The following DCLK1 variants were observed in gnomAD, a reference collection of about 807,000 sequenced individuals.
DCLK1 encodes the protein doublecortin like kinase 1.
A neutral mutation model predicts 86.2 loss-of-function variants in DCLK1; 16 were observed. That is an observed-to-expected ratio of 0.19 (90% CI 0.13 to 0.28). DCLK1 has a LOEUF of 0.28. Among genes scored for constraint, DCLK1 ranks in the 10% least tolerant of loss-of-function variants. DCLK1 has a pLI of 1.00. For synonymous variants in DCLK1, 369 were observed against 370.5 expected (o/e 1.00, Z 0.05); for missense variants, 590 against 940.2 (o/e 0.63, Z 4.87).
chr13:35,847,601 A>G, intron 6 of DCLK1: 4 of 938,318 alleles, frequency 4.3e-6, no homozygotes, highest in Non-Finnish European at 5.1e-6. Flanking sequence ...TGACTTGCAC[A>G]CTTCATTGTT....
intron 1 of DCLK1, among the ~76,000 whole-genome samples, chr13:36,130,551 A>G (rs924428285): frequency 5.9e-5 from 9 of 152,120 alleles, no homozygotes; most frequent in African/African-American, 2.2e-4. Flanking sequence ...TGCAGGTACT[A>G]ATTTGAACAT....
In DCLK1 at chr13:35,958,201, C is replaced by T. The variant is rs1480757253; in HGVS notation, c.724-10744G>A. The stretch of plus-strand genomic sequence containing the variant: ...ACTATAACCACCACTACCACCACCA[C>T]CATTATAACCATCACCACCACCACT... On this transcript the variant is annotated intron_variant, in intron 3 of 16. Transcript: ENST00000360631. 3.1e-3 allele frequency among the ~76,000 whole-genome samples: 460 copies of T among 147,846 alleles called. 1 individual carries two copies. The highest frequency in any genetic ancestry group is 8.1e-3 in the African/African-American group (319 of 39,510).
chr13:35,938,352 A>G (rs1171085), intron 4 of DCLK1, among the ~76,000 whole-genome samples: 56,755 of 151,898 alleles, frequency 0.37, 12,617 homozygotes, highest in African/African-American at 0.62. Context: ...GCACTAGGCC[A>G]GGTGCAGTGG....
intron 4 of DCLK1, among the ~76,000 whole-genome samples, chr13:35,932,959 C>T (rs1478632568): frequency 2.0e-5 from 3 of 152,204 alleles, no homozygotes; most frequent in Non-Finnish European, 4.4e-5. Context: ...GTCCCTTCTA[C>T]CTATGAGCCT....
chr13:35,946,851 T>G (rs934377194), intron 4 of DCLK1, among the ~76,000 whole-genome samples: 6 of 152,182 alleles, frequency 3.9e-5, no homozygotes, highest in African/African-American at 1.4e-4. Context: ...CACATTTAGT[T>G]TGTTAATGGA....
intron 3 of DCLK1, among the ~76,000 whole-genome samples, chr13:36,073,128 C>T (rs977209777): frequency 6.6e-6 from 1 of 152,134 alleles, no homozygotes; most frequent in Non-Finnish European, 1.5e-5. Flanking sequence ...TCATTTTAAT[C>T]GTATAATTCA....
intron 6 of DCLK1, chr13:35,846,809 A>T: frequency 1.0e-6 from 1 of 985,228 alleles, no homozygotes; most frequent in Non-Finnish European, 1.2e-6. Context: ...TCATTCGATT[A>T]ACATTTTCAA....
chr13:35,906,543 T>A (rs1005114433), intron 4 of DCLK1, among the ~76,000 whole-genome samples: 2 of 152,066 alleles, frequency 1.3e-5, no homozygotes, highest in Non-Finnish European at 2.9e-5. Context: ...GCAACAGAGA[T>A]GAAAGGAGGG....
chr13:35,825,399 TTCTAGGGTA>T (rs2087496334), intron 10 of DCLK1, among the ~76,000 whole-genome samples: 1 of 152,096 alleles, frequency 6.6e-6, no homozygotes, highest in Non-Finnish European at 1.5e-5. Context: ...TCTATGGCCT[TTCTAGGGTA>T]TCTTGGTGAT....
chr13:35,958,199 C>CATCACTATA (rs1878207367), intron 3 of DCLK1, among the ~76,000 whole-genome samples: 1 of 148,720 alleles, frequency 6.7e-6, no homozygotes, highest in African/African-American at 2.5e-5. Context: ...CTACCACCAC[C>CATCACTATA]ACCATTATAA....
chr13:35,887,837 C>A (rs1345050149), intron 4 of DCLK1, among the ~76,000 whole-genome samples: 3 of 120,302 alleles, frequency 2.5e-5, no homozygotes, highest in African/African-American at 9.5e-5. Context: ...ATCTCTTGTG[C>A]CCAGGAATTC....
At chr13:36,001,805 G>T (rs1452569532) in intron 3 of DCLK1, among the ~76,000 whole-genome samples, 2 of 151,998 alleles carry the variant, frequency 1.3e-5, no homozygotes, top group Non-Finnish European at 2.9e-5. Flanking sequence ...TGAAAGATCA[G>T]AACCCACGGC....
Position 35,774,129 on chromosome 13 carries a change from A to C in DCLK1, c.*406T>G, listed in dbSNP as rs1310024988. On this transcript the variant is annotated 3_prime_UTR_variant, in exon 17 of 17. Coordinates refer to ENST00000360631, the MANE Select transcript of DCLK1 (RefSeq NM_001330071.2). ...ACAACACCCCTTGATCTGCAGTAAA[A>C]TCAAGAAACATGTGTGTATACATCC... 6.3e-6 allele frequency: 1 copy of C among 158,966 alleles called. No homozygotes were observed. The highest frequency in any genetic ancestry group is 1.4e-5 in the Non-Finnish European group (1 of 71,952). The allele number at this position is 158,966 out of a possible 1,614,324, so 9.8% of individuals were successfully genotyped here.
chr13:35,956,379 AG>A (rs542200601), intron 3 of DCLK1, among the ~76,000 whole-genome samples: 26 of 152,308 alleles, frequency 1.7e-4, no homozygotes, highest in Admixed American at 1.2e-3. Flanking sequence ...TCATGCAAGT[AG>A]GTAGTTAACA....
At chr13:35,798,839 G>C (rs537113223) in intron 15 of DCLK1, among the ~76,000 whole-genome samples, 48 of 152,326 alleles carry the variant, frequency 3.2e-4, no homozygotes, top group African/African-American at 1.1e-3. Flanking sequence ...GTGTGTGTGG[G>C]TAGGGCTGAG....
At chr13:35,837,902 C>T (rs9601444) in intron 7 of DCLK1, among the ~76,000 whole-genome samples, 2,763 of 151,770 alleles carry the variant, frequency 0.018, 74 homozygotes, top group African/African-American at 0.062. Flanking sequence ...CCCATTTCTA[C>T]TAAAAATACA....
intron 3 of DCLK1, among the ~76,000 whole-genome samples, chr13:36,019,464 T>A (rs9546159): frequency 2.4e-4 from 37 of 152,170 alleles, no homozygotes; most frequent in Admixed American, 9.8e-4. Context: ...AGCCTGTTTC[T>A]TCACTTACTA....
intron 3 of DCLK1, among the ~76,000 whole-genome samples, chr13:36,000,164 AC>A (rs1880648909): frequency 6.6e-6 from 1 of 151,946 alleles, no homozygotes; most frequent in Non-Finnish European, 1.5e-5. Flanking sequence ...CAAATCTTAA[AC>A]CCCACACAAT....
intron 11 of DCLK1, among the ~76,000 whole-genome samples, chr13:35,821,584 G>T (rs1336749822): frequency 6.6e-6 from 1 of 151,790 alleles, no homozygotes; most frequent in Non-Finnish European, 1.5e-5. Flanking sequence ...CAAAGTAACA[G>T]AACTCATATA....
Sources: gnomAD v4.1 joint callset for allele counts (sites outside exome capture counted in the v4.1 genomes callset) on GRCh38, gnomAD v4.1.1 for gene constraint, MANE v1.5 for transcripts, NCBI Gene and HGNC (gene_info 2026-07-23, HGNC 2026-07-21) for gene names.